FGD4: variants seen among roughly 807,000 people sequenced by gnomAD.
The protein encoded by FGD4 is FYVE, RhoGEF and PH domain containing 4.
A neutral mutation model predicts 102.0 loss-of-function variants in FGD4; 42 were observed. The ratio of observed to expected loss-of-function variants is 0.41; its 90% CI spans 0.32 to 0.53. The LOEUF is 0.53. Ranked by LOEUF, FGD4 falls within the 20% of genes least tolerant of loss-of-function variation. FGD4 has a pLI of 0.21. For synonymous variants in FGD4, 380 were observed against 375.7 expected (o/e 1.01, Z -0.13); for missense variants, 902 against 1,078.2 (o/e 0.84, Z 2.29).
At chr12:32,427,367 G>A (rs1403384253) in intron 1 of FGD4, among the ~76,000 whole-genome samples, 2 of 152,202 alleles carry the variant, frequency 1.3e-5, no homozygotes, top group African/African-American at 4.8e-5. Flanking sequence ...CCATGTAGTT[G>A]TGCAGTTTTG....
At chr12:32,534,136 A>T in intron 1 of FGD4, 1 of 202,472 alleles carries the variant, frequency 4.9e-6, no homozygotes, top group Non-Finnish European at 8.8e-6. Flanking sequence ...TCCCAGCTGT[A>T]CTTTGAATGC....
At position 32,582,142 on chromosome 12, in the gene FGD4, G is replaced by A; in HGVS notation, c.686G>A (p.Gly229Asp). The part of the protein sequence containing the change: ...TQGAQTCVAN[G>D]VMAAQNQMEC... ...GGTGCACAGACTTGTGTGGCCAACG[G>A]TGTAATGGCAGCACAAAACCAGATG... The change falls in exon 4 of 17, where the codon GGT (glycine) becomes GAT (aspartate). Residue 229 changes from glycine (G) to aspartate (D), a missense_variant. This residue lies in a region of FGD4 where 443 missense variants were observed against 459.2 expected (regional missense o/e 0.96). Transcript: ENST00000534526. The A allele has an allele frequency of 6.2e-7, 1 of 1,614,202 alleles. No homozygotes were observed. The highest frequency in any genetic ancestry group is 8.5e-7 in the Non-Finnish European group (1 of 1,180,034).
chr12:32,495,465 G>T (rs962209236), intron 1 of FGD4, among the ~76,000 whole-genome samples: 1 of 152,098 alleles, frequency 6.6e-6, no homozygotes, highest in African/African-American at 2.4e-5. Flanking sequence ...GGGAGGCTGA[G>T]GCGGGCAGAT....
chr12:32,407,479 T>A (rs1940995449), intron 1 of FGD4, among the ~76,000 whole-genome samples: 1 of 152,208 alleles, frequency 6.6e-6, no homozygotes, highest in Non-Finnish European at 1.5e-5. Context: ...CAACCAGGTT[T>A]ATAAGCTTCT....
chr12:32,457,895 G>A (rs1006876519), intron 1 of FGD4, among the ~76,000 whole-genome samples: 8 of 152,010 alleles, frequency 5.3e-5, no homozygotes, highest in African/African-American at 1.7e-4. Flanking sequence ...GCTTGGGTGT[G>A]GAGTTCTGCT....
chr12:32,466,905 C>G (rs1305103445), intron 1 of FGD4, among the ~76,000 whole-genome samples: 2 of 151,002 alleles, frequency 1.3e-5, no homozygotes, highest in South Asian at 2.1e-4. Flanking sequence ...AGCAATTACA[C>G]CTCCTACGGA....
chr12:32,440,855 A>G (rs936936155), intron 1 of FGD4, among the ~76,000 whole-genome samples: 2 of 152,134 alleles, frequency 1.3e-5, no homozygotes, highest in African/African-American at 4.8e-5. Context: ...TGGCACTCAA[A>G]CCACCAGATG....
rs1942428857 is a variant in FGD4 at position 32,537,818 on chromosome 12, A to G, written c.167-26319A>G. Among the ~76,000 whole-genome samples the G allele has an allele frequency of 3.3e-5, 5 of 152,332 alleles. No individual in the cohort carries two copies. The South Asian group carries it at 1.0e-3, about 32-fold the overall frequency. Reference sequence around the variant, plus strand: ...CCTCCTTGTCCTCCCTGTATATAGGATATAATAATAGCCTCTCACCTAATA... The same window carrying G: ...CCTCCTTGTCCTCCCTGTATATAGGGTATAATAATAGCCTCTCACCTAATA... On this transcript the variant is annotated intron_variant, in intron 1 of 16. Coordinates refer to ENST00000534526, the MANE Select transcript of FGD4 (RefSeq NM_001370298.3).
At chr12:32,478,162 G>T (rs1176124041) in intron 1 of FGD4, among the ~76,000 whole-genome samples, 1 of 152,012 alleles carries the variant, frequency 6.6e-6, no homozygotes, top group African/African-American at 2.4e-5. Flanking sequence ...TCGTATTGTT[G>T]TACTTTTGAT....
intron 1 of FGD4, chr12:32,486,211 T>G: frequency 6.9e-7 from 1 of 1,457,784 alleles, no homozygotes; most frequent in Non-Finnish European, 9.2e-7. Context: ...TTTTTCACTA[T>G]GCAAAGTATA....
chr12:32,631,301 A>T (rs2137000663), intron 14 of FGD4, among the ~76,000 whole-genome samples: 1 of 152,312 alleles, frequency 6.6e-6, no homozygotes, highest in African/African-American at 2.4e-5. Context: ...CAAGTTAAAG[A>T]TCATAGCCTT....
intron 5 of FGD4, among the ~76,000 whole-genome samples, chr12:32,599,646 C>T: frequency 8.1e-6 from 1 of 123,270 alleles, no homozygotes; most frequent in East Asian, 2.9e-4. Flanking sequence ...CTCCCAGGTT[C>T]AAGCAATTCT....
chr12:32,526,799 A>G (rs1406303225), intron 1 of FGD4, among the ~76,000 whole-genome samples: 2 of 152,166 alleles, frequency 1.3e-5, no homozygotes, highest in Admixed American at 6.5e-5. Context: ...ACTGGGAGGA[A>G]CGAACAACTC....
At chr12:32,412,232 C>T (rs921033107) in intron 1 of FGD4, among the ~76,000 whole-genome samples, 5 of 152,050 alleles carry the variant, frequency 3.3e-5, no homozygotes, top group Non-Finnish European at 7.3e-5. Flanking sequence ...GAGAGGCAGA[C>T]GTTATTTTGT....
At chr12:32,559,202 G>A (rs1191913024) in intron 1 of FGD4, among the ~76,000 whole-genome samples, 1 of 152,156 alleles carries the variant, frequency 6.6e-6, no homozygotes, top group Non-Finnish European at 1.5e-5. Flanking sequence ...AGTAGGCTAA[G>A]TCAGTCATAA....
Position 32,506,231 on chromosome 12 carries a change from G to A in FGD4, c.167-57906G>A, listed in dbSNP as rs989132121. Among the ~76,000 whole-genome samples, 1 of 152,130 alleles carries A rather than the reference G, an allele frequency of 6.6e-6. No homozygotes were observed. The highest frequency in any genetic ancestry group is 1.5e-5 in the Non-Finnish European group (1 of 68,034). ...ACAGATGAAATTTTCAGTATGCCTA[G>A]GTGGAATACACCTTTGAAAGATGAT... On this transcript the variant is annotated intron_variant, in intron 1 of 16. Coordinates refer to ENST00000534526, the MANE Select transcript of FGD4 (RefSeq NM_001370298.3). This position sits in a 1 kb window ranked among gnomAD's most constrained non-coding sequence, Gnocchi z 4.5.
intron 4 of FGD4, 122 bp downstream of exon 4, chr12:32,582,589 C>T (rs1338134407): frequency 6.1e-6 from 8 of 1,319,928 alleles, no homozygotes; most frequent in East Asian, 2.5e-5. Flanking sequence ...GGCAGTTAAA[C>T]GATTTTCAAG....
In FGD4 at chr12:32,399,732, G is replaced by C; in HGVS notation, c.-62G>C. On this transcript the variant is annotated 5_prime_UTR_variant, in exon 1 of 17. Coordinates refer to ENST00000534526, the MANE Select transcript of FGD4 (RefSeq NM_001370298.3). Reference sequence around the variant, plus strand: ...CTGGGCATGCAGGCGACGCCCCCCAGGGGCCGCTCGCGGCTGGACGGGAGC... The same window carrying C: ...CTGGGCATGCAGGCGACGCCCCCCACGGGCCGCTCGCGGCTGGACGGGAGC... 6.6e-7 allele frequency: 1 copy of C among 1,511,782 alleles called. No individual in the cohort carries two copies. The highest frequency in any genetic ancestry group is 2.0e-5 in the Admixed American group (1 of 49,356). 93.6% of individuals were successfully genotyped at this position (1,511,782 alleles called of 1,614,324 possible).
chr12:32,573,139 A>G (rs898814904), intron 2 of FGD4, among the ~76,000 whole-genome samples: 1 of 152,204 alleles, frequency 6.6e-6, no homozygotes, highest in Non-Finnish European at 1.5e-5. Context: ...TCTGTCGCAC[A>G]GGCTGGAGTG....
Sources: allele counts gnomAD v4.1 joint callset (sites outside exome capture counted in the v4.1 genomes callset), GRCh38; gene constraint gnomAD v4.1.1; regional missense constraint gnomAD v4.1.1; non-coding constraint Gnocchi (gnomAD v3.1); transcripts MANE v1.5; gene names NCBI Gene and HGNC (gene_info 2026-07-23, HGNC 2026-07-21).